The following FSTL5 variants were observed in gnomAD, a reference collection of about 807,000 sequenced individuals.
FSTL5 encodes the protein follistatin like 5, also known as follistatin-related protein 5.
In FSTL5, 62 loss-of-function variants were observed where a neutral mutation model predicts 89.1. That is an observed-to-expected ratio of 0.70 (90% confidence interval 0.57 to 0.86). The LOEUF (loss-of-function observed/expected upper bound fraction) is 0.86. FSTL5 is among the 40% of genes least tolerant of loss of function. The pLI is 0.00. For synonymous variants in FSTL5, 383 were observed against 346.2 expected (o/e 1.11, Z -1.18); for missense variants, 1,057 against 1,001.6 (o/e 1.06, Z -0.75).
At chr4:161,537,063 G>C (rs1242111571) in intron 10 of FSTL5, among the ~76,000 whole-genome samples, 2 of 151,988 alleles carry the variant, frequency 1.3e-5, no homozygotes, top group African/African-American at 4.8e-5. Flanking sequence ...TTATAATGAT[G>C]GTTGTCCTAA....
At chr4:162,093,094 A>G (rs186250018) in intron 2 of FSTL5, among the ~76,000 whole-genome samples, 155 of 152,286 alleles carry the variant, frequency 1.0e-3, no homozygotes, top group Admixed American at 2.9e-3. Flanking sequence ...CAAAATTACA[A>G]GAAAAGTACA....
chr4:162,127,575 A>G (rs542462201), intron 1 of FSTL5, among the ~76,000 whole-genome samples: 1 of 152,300 alleles, frequency 6.6e-6, no homozygotes, highest in African/African-American at 2.4e-5. Flanking sequence ...GTTTCTTTGA[A>G]GTTACTTAGA....
chr4:161,683,804 A>G (rs948890801), intron 6 of FSTL5, among the ~76,000 whole-genome samples: 1 of 152,082 alleles, frequency 6.6e-6, no homozygotes, highest in Non-Finnish European at 1.5e-5. Flanking sequence ...TACATGAGTA[A>G]GTTCTTTAGT....
chr4:162,062,850 C>A (rs1029656124), intron 2 of FSTL5, among the ~76,000 whole-genome samples: 1 of 151,358 alleles, frequency 6.6e-6, no homozygotes, highest in Admixed American at 6.6e-5. Context: ...TTCTCAAAGA[C>A]ATTGCAAAGG....
At chr4:162,157,490 T>C (rs78918269) in intron 1 of FSTL5, among the ~76,000 whole-genome samples, 20,968 of 151,930 alleles carry the variant, frequency 0.14, 1,960 homozygotes, top group Non-Finnish European at 0.19. Context: ...ATGATAATTG[T>C]AGCTGCTGGA....
At chr4:161,770,924 A>G (rs751653911) in intron 5 of FSTL5, among the ~76,000 whole-genome samples, 6 of 152,206 alleles carry the variant, frequency 3.9e-5, no homozygotes, top group Admixed American at 6.5e-5. Context: ...TCTTAGGATT[A>G]GGAACACTCA....
intron 3 of FSTL5, among the ~76,000 whole-genome samples, chr4:161,974,301 G>C (rs1415856431): frequency 2.6e-5 from 4 of 152,062 alleles, no homozygotes; most frequent in Non-Finnish European, 4.4e-5. Context: ...GCATCGCCAA[G>C]TAAGCCAAAA....
chr4:161,641,641 G>A (rs540571585), intron 7 of FSTL5, among the ~76,000 whole-genome samples: 2 of 151,700 alleles, frequency 1.3e-5, no homozygotes, highest in South Asian at 4.2e-4. Flanking sequence ...ACAGGCATAC[G>A]CCCCCACGCC....
At chr4:161,658,883 C>T (rs1736611933) in intron 6 of FSTL5, among the ~76,000 whole-genome samples, 1 of 152,178 alleles carries the variant, frequency 6.6e-6, no homozygotes. Context: ...AGCATGTAAA[C>T]ATTGGCTATT....
intron 1 of FSTL5, among the ~76,000 whole-genome samples, chr4:162,160,542 T>C (rs1733654630): frequency 6.6e-6 from 1 of 151,768 alleles, no homozygotes; most frequent in African/African-American, 2.4e-5. Context: ...CTTCATAATA[T>C]ATTAAGTAGT....
At chr4:161,661,515 T>A (rs191567931) in intron 6 of FSTL5, among the ~76,000 whole-genome samples, 2,161 of 152,198 alleles carry the variant, frequency 0.014, 65 homozygotes, top group South Asian at 0.13. Context: ...AAACTGTAAA[T>A]GGAATAAATT....
At chr4:161,567,024 A>G (rs1732840332) in intron 8 of FSTL5, among the ~76,000 whole-genome samples, 1 of 152,136 alleles carries the variant, frequency 6.6e-6, no homozygotes, top group South Asian at 2.1e-4. Flanking sequence ...ACTATGTATT[A>G]CATGATACAA....
chr4:162,133,682 T>A (rs905492126), intron 1 of FSTL5, among the ~76,000 whole-genome samples: 1 of 152,192 alleles, frequency 6.6e-6, no homozygotes, highest in Non-Finnish European at 1.5e-5. Context: ...AGTGAATGAA[T>A]GAAAGTCTAC....
chr4:161,648,849 C>G (rs1406639278), intron 7 of FSTL5, among the ~76,000 whole-genome samples: 1 of 152,172 alleles, frequency 6.6e-6, no homozygotes, highest in Non-Finnish European at 1.5e-5. Context: ...TAAATTCACA[C>G]ATGCCACATC....
intron 3 of FSTL5, among the ~76,000 whole-genome samples, chr4:161,982,160 A>C (rs976247777): frequency 4.6e-5 from 7 of 152,188 alleles, no homozygotes; most frequent in Non-Finnish European, 1.0e-4. Flanking sequence ...ATGGCTTCAT[A>C]AATAACAACA....
intron 13 of FSTL5, among the ~76,000 whole-genome samples, chr4:161,459,888 A>C (rs747441868): frequency 9.2e-5 from 14 of 151,822 alleles, no homozygotes; most frequent in Non-Finnish European, 1.5e-4. Context: ...AGAAAAAAGA[A>C]TTCTTTTTTT....
chr4:161,646,201 T>C (rs1578992548), intron 7 of FSTL5, among the ~76,000 whole-genome samples: 1 of 148,288 alleles, frequency 6.7e-6, no homozygotes, highest in South Asian at 2.1e-4. Context: ...ATGTATATCA[T>C]GTATAATATA....
chr4:161,964,032 C>T (rs928510508), intron 3 of FSTL5, among the ~76,000 whole-genome samples: 1 of 151,750 alleles, frequency 6.6e-6, no homozygotes, highest in African/African-American at 2.4e-5. Flanking sequence ...TAAGTAATAC[C>T]CTTTTTTCTC....
At chr4:161,521,713 G>T (rs938710129) in intron 10 of FSTL5, among the ~76,000 whole-genome samples, 2 of 151,720 alleles carry the variant, frequency 1.3e-5, no homozygotes, top group African/African-American at 4.8e-5. Flanking sequence ...GCCAGGCTTG[G>T]TGGCAGGTGC....
Sources: allele counts gnomAD v4.1 joint callset (sites outside exome capture counted in the v4.1 genomes callset), GRCh38; gene constraint gnomAD v4.1.1; transcripts MANE v1.5; gene names NCBI Gene and HGNC (gene_info 2026-07-23, HGNC 2026-07-21).